Variants in SLC2A12 observed in about 807,000 individuals in gnomAD.
The protein encoded by SLC2A12 is solute carrier family 2 member 12, also known as solute carrier family 2, facilitated glucose transporter member 12.
SLC2A12 carries 23 observed loss-of-function variants against 41.8 expected under a neutral mutation model. The observed-to-expected ratio is 0.55, with a 90% CI of 0.40 to 0.78. SLC2A12 has a LOEUF of 0.78. Ranked by LOEUF, SLC2A12 falls within the 30% of genes least tolerant of loss-of-function variation. The pLI is 0.00. For missense variants in SLC2A12, 654 were observed against 745.6 expected (o/e 0.88, Z 1.43); for synonymous variants, 295 against 285.9 (o/e 1.03, Z -0.32).
intron 1 of SLC2A12, among the ~76,000 whole-genome samples, chr6:134,040,058 G>GTTTTTTTTTTTTTTT (rs11371413): frequency 5.7e-5 from 8 of 139,322 alleles, no homozygotes; most frequent in African/African-American, 1.1e-4. Flanking sequence ...GTTGTTTTTT[G>GTTTTTTTTTTTTTTT]TTTTTTTTTT....
chr6:134,023,062 C>T lies in SLC2A12; in HGVS notation c.1444+5319G>A, dbSNP rs371598553. On this transcript the variant is annotated intron_variant, in intron 2 of 4. Transcript: ENST00000275230. ...TTCTTTTTGTCTTTCAAAGCTCCCC[C>T]TTTGCCCCAACCCCCAGATATGTCT... Among the ~76,000 whole-genome samples, 7 of 152,298 alleles carry T rather than the reference C, an allele frequency of 4.6e-5. No individual in the cohort carries two copies. The South Asian group carries it at 1.2e-3, about 27-fold the overall frequency.
At chr6:134,050,826 G>A (rs1773671756) in intron 1 of SLC2A12, among the ~76,000 whole-genome samples, 1 of 152,142 alleles carries the variant, frequency 6.6e-6, no homozygotes, top group African/African-American at 2.4e-5. Flanking sequence ...TGCTCTTAGG[G>A]AACTTGTGGG....
chr6:134,006,193 C>CAAAAAAAAAAAAAAAAAAAAAAAAAAAA (rs571711008), intron 3 of SLC2A12, among the ~76,000 whole-genome samples: 1 of 121,600 alleles, frequency 8.2e-6, no homozygotes, highest in Non-Finnish European at 1.7e-5. Flanking sequence ...AAAAAAAAAA[C>CAAAAAAAAAAAAAAAAAAAAAAAAAAAA]AAAAAAAAAA....
At chr6:134,010,030 T>C (rs1776860053) in intron 2 of SLC2A12, among the ~76,000 whole-genome samples, 1 of 152,156 alleles carries the variant, frequency 6.6e-6, no homozygotes. Flanking sequence ...ATCTCACCAA[T>C]CTTGATGTTC....
intron 1 of SLC2A12, among the ~76,000 whole-genome samples, chr6:134,044,060 C>G (rs1410254169): frequency 2.6e-5 from 4 of 152,094 alleles, no homozygotes; most frequent in Middle Eastern, 3.2e-3. Flanking sequence ...AGCTATTTTC[C>G]CTCCTTAGAA....
intron 1 of SLC2A12, 83 bp downstream of exon 1, chr6:134,052,295 A>G (rs1773699197): frequency 3.6e-6 from 4 of 1,109,206 alleles, no homozygotes; most frequent in Non-Finnish European, 2.6e-6. Context: ...ACACACACAC[A>G]CGGGACTCAA....
chr6:134,011,826 A>G (rs2114441826), intron 2 of SLC2A12, among the ~76,000 whole-genome samples: 1 of 151,640 alleles, frequency 6.6e-6, no homozygotes, highest in South Asian at 2.1e-4. Context: ...CAGATCACCT[A>G]AGCTCAGGAG....
At chr6:134,000,199 CA>C (rs996603530) in intron 4 of SLC2A12, among the ~76,000 whole-genome samples, 4 of 151,752 alleles carry the variant, frequency 2.6e-5, no homozygotes, top group South Asian at 4.2e-4. Context: ...TCATCTGTAT[CA>C]AAAAAAATTA....
At chr6:133,992,380 T>C (rs1776635632) in intron 4 of SLC2A12, among the ~76,000 whole-genome samples, 1 of 152,030 alleles carries the variant, frequency 6.6e-6, no homozygotes, top group Non-Finnish European at 1.5e-5. Context: ...AGTGAAGAAG[T>C]GGGAGGGGGT....
chr6:134,015,916 C>G (rs936474388), intron 2 of SLC2A12, among the ~76,000 whole-genome samples: 5 of 152,136 alleles, frequency 3.3e-5, no homozygotes, highest in African/African-American at 1.2e-4. Flanking sequence ...AACATTGATA[C>G]CCACCCTCCA....
intron 4 of SLC2A12, among the ~76,000 whole-genome samples, chr6:134,001,685 A>G (rs1328565659): frequency 6.6e-6 from 1 of 152,154 alleles, no homozygotes; most frequent in African/African-American, 2.4e-5. Context: ...ATTTTATTCA[A>G]ATTCAGTACA....
intron 4 of SLC2A12, among the ~76,000 whole-genome samples, chr6:134,001,541 T>G (rs1222563617): frequency 6.6e-6 from 1 of 152,224 alleles, no homozygotes; most frequent in East Asian, 1.9e-4. Flanking sequence ...TGTATTTTTG[T>G]TTTTGTTTCG....
chr6:133,998,046 T>C (rs1776716637), intron 4 of SLC2A12, among the ~76,000 whole-genome samples: 1 of 152,208 alleles, frequency 6.6e-6, no homozygotes, highest in African/African-American at 2.4e-5. Context: ...TAATTTGCAA[T>C]TTATAACTTT....
intron 3 of SLC2A12, among the ~76,000 whole-genome samples, chr6:134,002,695 C>A (rs1365686733): frequency 6.6e-6 from 1 of 152,074 alleles, no homozygotes; most frequent in East Asian, 1.9e-4. Flanking sequence ...TTCATGCTGG[C>A]AATATTTCAT....
chr6:133,990,824 C>CGGAG lies in SLC2A12; in HGVS notation c.*327_*330dup, dbSNP rs1462081352. On this transcript the variant is annotated 3_prime_UTR_variant, in exon 5 of 5. Transcript: ENST00000275230. ...GCCTCCATACATACATAGCTTAAGG[C>CGGAG]GGAGGTTGATGTCTTCACTAGGACA... 6 of 189,406 alleles carry CGGAG rather than the reference C, an allele frequency of 3.2e-5. No homozygotes were observed. Among genetic ancestry groups the CGGAG allele is most frequent in the Non-Finnish European group, 5.4e-5 (5 of 93,038 alleles). The allele number at this position is 189,406 out of a possible 1,614,324, so 11.7% of individuals were successfully genotyped here. A position where few individuals can be genotyped will look rare whatever the true frequency, so the allele number is the denominator to read the frequency against.
chr6:134,041,245 C>T (rs1777377320), intron 1 of SLC2A12, among the ~76,000 whole-genome samples: 1 of 152,136 alleles, frequency 6.6e-6, no homozygotes, highest in Non-Finnish European at 1.5e-5. Context: ...TTTCATATTT[C>T]AAAATGCAGT....
Position 133,991,964 on chromosome 6 carries a change from G to GA in SLC2A12, c.1701-657dup, listed in dbSNP as rs375644189. 5.0e-3 allele frequency among the ~76,000 whole-genome samples: 754 copies of GA among 152,126 alleles called. 10 individuals carry two copies. Among genetic ancestry groups the GA allele is most frequent in the African/African-American group, 0.017 (711 of 41,510 alleles). On this transcript the variant is annotated intron_variant, in intron 4 of 4. Transcript: ENST00000275230. ...CAAATGAGAAATAAACGGGGAAGGA[G>GA]AAAAAAGGGTTTAGTTGGGTGGGAG...
At chr6:134,031,614 C>T (rs562096738) in intron 1 of SLC2A12, among the ~76,000 whole-genome samples, 16 of 152,178 alleles carry the variant, frequency 1.1e-4, no homozygotes, top group Admixed American at 1.3e-4. Flanking sequence ...TACTGTGTAG[C>T]GCAACATACC....
At chr6:134,036,350 C>A (rs547012335) in intron 1 of SLC2A12, among the ~76,000 whole-genome samples, 3 of 152,296 alleles carry the variant, frequency 2.0e-5, no homozygotes, top group Admixed American at 6.5e-5. Flanking sequence ...CCCTGAACGC[C>A]TTTGTTCCCA....
Sources: allele counts gnomAD v4.1 joint callset (sites outside exome capture counted in the v4.1 genomes callset), GRCh38; gene constraint gnomAD v4.1.1; transcripts MANE v1.5; gene names NCBI Gene and HGNC (gene_info 2026-07-23, HGNC 2026-07-21).